The following COL4A2 variants were observed in gnomAD, a reference collection of about 807,000 sequenced individuals.
The protein encoded by COL4A2 is collagen alpha-2(IV) chain.
In COL4A2, 99 loss-of-function variants were observed where a neutral mutation model predicts 200.2. The observed-to-expected ratio is 0.49, with a 90% CI of 0.42 to 0.58. The LOEUF (loss-of-function observed/expected upper bound fraction) is 0.58, where lower values mean the gene tolerates loss of function less well. COL4A2 is among the 20% of genes least tolerant of loss of function. The probability of loss-of-function intolerance (pLI) is 0.00; values close to 1 mark genes in which losing one functional copy is unlikely to be tolerated. For synonymous variants in COL4A2, 897 were observed against 900.6 expected, an observed-to-expected ratio of 1.00 and a Z score of 0.07; for missense variants, 1,950 against 2,314.1, an observed-to-expected ratio of 0.84 and a Z score of 3.23.
chr13:110,475,518 A>AGCAGGGGC (rs1882673458), intron 29 of COL4A2, among the ~76,000 whole-genome samples: 2 of 152,022 alleles, frequency 1.3e-5, no homozygotes, highest in Non-Finnish European at 2.9e-5. Flanking sequence ...AAACAAATGG[A>AGCAGGGGC]AGCAGGCTTA....
intron 3 of COL4A2, among the ~76,000 whole-genome samples, chr13:110,326,309 G>T (rs976873251): frequency 1.3e-5 from 2 of 152,140 alleles, no homozygotes; most frequent in Non-Finnish European, 2.9e-5. Flanking sequence ...GTGTACATAA[G>T]GTACTTAACC....
rs908311450 is a variant in COL4A2, at chr13:110,508,275, G to A, written c.4881+54G>A. 5.0e-6 allele frequency: 8 copies of A among 1,590,336 alleles called. No homozygotes were observed. The highest frequency in any genetic ancestry group is 3.4e-5 in the South Asian group (3 of 87,500). ...CCAACCACACCCTGCTGGGGACACA[G>A]CAAGAACAGCTGCCTTTGTGAGAAG... On this transcript the variant is annotated intron_variant, in intron 47 of 47. Coordinates refer to ENST00000360467, the MANE Select transcript of COL4A2 (RefSeq NM_001846.4). This position sits in a 1 kb window ranked among gnomAD's most constrained non-coding sequence, Gnocchi z 6.1.
chr13:110,323,401 C>T (rs779575850), intron 3 of COL4A2, among the ~76,000 whole-genome samples: 5 of 152,196 alleles, frequency 3.3e-5, no homozygotes, highest in African/African-American at 7.2e-5. Context: ...TGAGGGCCCC[C>T]CCTGTGGAAG....
chr13:110,448,647 A>C (rs555086293), intron 18 of COL4A2, among the ~76,000 whole-genome samples: 1 of 152,378 alleles, frequency 6.6e-6, no homozygotes, highest in African/African-American at 2.4e-5. Context: ...CCTAGAAATA[A>C]AAGTAATCTT....
chr13:110,491,646 A>G (rs997462409), intron 37 of COL4A2, among the ~76,000 whole-genome samples: 3 of 152,140 alleles, frequency 2.0e-5, no homozygotes, highest in Non-Finnish European at 4.4e-5. Flanking sequence ...TGCATTGAAT[A>G]TGCAGAAACC....
At chr13:110,338,786 G>T (rs79907368) in intron 3 of COL4A2, among the ~76,000 whole-genome samples, 17 of 152,210 alleles carry the variant, frequency 1.1e-4, no homozygotes, top group Non-Finnish European at 2.1e-4. Context: ...GCTGCTCTTC[G>T]CCGCCCTCCC....
intron 3 of COL4A2, among the ~76,000 whole-genome samples, chr13:110,322,069 A>G (rs2139352361): frequency 6.6e-6 from 1 of 152,358 alleles, no homozygotes; most frequent in Non-Finnish European, 1.5e-5. Flanking sequence ...TGCTTTTTAA[A>G]GTTCTTATTT....
At chr13:110,316,086 A>T (rs551779392) in intron 3 of COL4A2, among the ~76,000 whole-genome samples, 1 of 152,108 alleles carries the variant, frequency 6.6e-6, no homozygotes, top group Non-Finnish European at 1.5e-5. Context: ...GATTGTTTCA[A>T]CCCCACCCAT....
At chr13:110,377,014 T>A (rs796539144) in intron 4 of COL4A2, among the ~76,000 whole-genome samples, 8 of 152,308 alleles carry the variant, frequency 5.3e-5, no homozygotes, top group African/African-American at 1.7e-4. Context: ...GCCAGTGTGG[T>A]TCATCTTATT....
intron 4 of COL4A2, among the ~76,000 whole-genome samples, chr13:110,381,528 G>T (rs1023648858): frequency 6.6e-6 from 1 of 152,126 alleles, no homozygotes; most frequent in Non-Finnish European, 1.5e-5. Flanking sequence ...CTGCCAGGTG[G>T]GTCCTTATGA....
intron 40 of COL4A2, among the ~76,000 whole-genome samples, chr13:110,496,479 C>T (rs1488695666): frequency 6.6e-6 from 1 of 152,254 alleles, no homozygotes; most frequent in Non-Finnish European, 1.5e-5. Context: ...TCCTGGGAGG[C>T]TGCATGGTGC....
At position 110,434,410 on chromosome 13, in the gene COL4A2, G is replaced by A; in HGVS notation, c.694G>A (p.Gly232Arg). The change falls in exon 12 of 48, where the codon GGA (glycine) becomes AGA (arginine). Residue 232 changes from glycine (G) to arginine (R), a missense_variant. By Grantham distance (125) the Gly-to-Arg change is moderately radical. This residue lies in a region of COL4A2 where 565 missense variants were observed against 593.5 expected (regional missense o/e 0.95). Coordinates refer to ENST00000360467, the MANE Select transcript of COL4A2 (RefSeq NM_001846.4). Reference sequence around the variant, plus strand: ...TTATTTATCTTTTCAGGGCAACAGAGGACTTGGTTTCTACGGAGTTAAGGG... The same window carrying A: ...TTATTTATCTTTTCAGGGCAACAGAAGACTTGGTTTCTACGGAGTTAAGGG... ...PGPKGQQGNR[G>R]LGFYGVKGEK... The A allele has an allele frequency of 6.2e-7, 1 of 1,613,848 alleles. No individual in the cohort carries two copies. Among genetic ancestry groups the A allele is most frequent in the Non-Finnish European group, 8.5e-7 (1 of 1,179,850 alleles).
At chr13:110,398,982 C>A (rs923722211) in intron 4 of COL4A2, among the ~76,000 whole-genome samples, 1 of 151,922 alleles carries the variant, frequency 6.6e-6, no homozygotes, top group Non-Finnish European at 1.5e-5. Context: ...AAATTCCTGC[C>A]GGTTTTTAGT....
intron 16 of COL4A2, among the ~76,000 whole-genome samples, chr13:110,442,395 C>T (rs1186808142): frequency 1.3e-5 from 2 of 152,220 alleles, no homozygotes; most frequent in African/African-American, 2.4e-5. Context: ...TTGTGAGCAC[C>T]GATCTGCACC....
At chr13:110,379,664 T>C (rs574077740) in intron 4 of COL4A2, among the ~76,000 whole-genome samples, 2 of 152,294 alleles carry the variant, frequency 1.3e-5, no homozygotes, top group East Asian at 3.9e-4. Context: ...GTACTCCCCA[T>C]GGACCCCCAT....
At position 110,462,427 on chromosome 13, in the gene COL4A2, A is replaced by G. The variant is rs367811110; in HGVS notation, c.1776+43A>G. The G allele has an allele frequency of 1.7e-4, 268 of 1,597,990 alleles. 2 individuals are homozygous for G. Among genetic ancestry groups the G allele is most frequent in the African/African-American group, 1.3e-4 (10 of 74,810 alleles). The stretch of plus-strand genomic sequence containing the variant: ...GCGGCAGCTCCGTCCTCTCTTCTTC[A>G]TCCTTCAGGTTCTCCAAACACCCCA... On this transcript the variant is annotated intron_variant, in intron 24 of 47. Transcript: ENST00000360467.
At chr13:110,464,790 G>A (rs1233024085) in intron 24 of COL4A2, among the ~76,000 whole-genome samples, 1 of 152,152 alleles carries the variant, frequency 6.6e-6, no homozygotes, top group Admixed American at 6.5e-5. Flanking sequence ...CCGTGCCGTG[G>A]TGTGTGCGCA....
At chr13:110,471,668 T>C (rs935309370) in intron 28 of COL4A2, among the ~76,000 whole-genome samples, 1 of 152,202 alleles carries the variant, frequency 6.6e-6, no homozygotes, top group Non-Finnish European at 1.5e-5. Flanking sequence ...TTAATCCAGA[T>C]CCTTTATTCT....
rs1454649971 is a variant in COL4A2 at position 110,404,703 on chromosome 13, A to C, written c.181-20031A>C. Among the ~76,000 whole-genome samples the C allele has an allele frequency of 3.3e-5, 5 of 152,350 alleles. No homozygotes were observed. The South Asian group carries it at 8.3e-4, about 25-fold the overall frequency. Reference sequence around the variant, plus strand: ...CCAGGAAGGAATCCCTGAAAAGAAAATGAAGACCAAGTGGATAGAGAGACA... The same window carrying C: ...CCAGGAAGGAATCCCTGAAAAGAAACTGAAGACCAAGTGGATAGAGAGACA... On this transcript the variant is annotated intron_variant, in intron 4 of 47. Coordinates refer to ENST00000360467, the MANE Select transcript of COL4A2 (RefSeq NM_001846.4).
Sources: allele counts gnomAD v4.1 joint callset (sites outside exome capture counted in the v4.1 genomes callset), GRCh38; gene constraint gnomAD v4.1.1; regional missense constraint gnomAD v4.1.1; non-coding constraint Gnocchi (gnomAD v3.1); transcripts MANE v1.5; gene names NCBI Gene and HGNC (gene_info 2026-07-23, HGNC 2026-07-21).